Variants in MBNL2 observed in about 807,000 individuals in gnomAD.
MBNL2 encodes muscleblind like splicing regulator 2, also known as muscleblind-like protein 2.
A neutral mutation model predicts 41.9 loss-of-function variants in MBNL2; 17 were observed. The observed-to-expected ratio is 0.41, with a 90% CI of 0.28 to 0.61. The LOEUF is 0.61. Among genes scored for constraint, MBNL2 ranks in the 20% least tolerant of loss-of-function variants. The pLI is 0.35. For missense variants in MBNL2, 336 were observed against 505.6 expected, an observed-to-expected ratio of 0.66 and a Z score of 3.22; for synonymous variants, 195 against 182.9, an observed-to-expected ratio of 1.07 and a Z score of -0.53.
chr13:97,286,369 C>T (rs914577668), intron 2 of MBNL2, among the ~76,000 whole-genome samples: 1 of 152,132 alleles, frequency 6.6e-6, no homozygotes, highest in African/African-American at 2.4e-5. Context: ...CATTATAAGT[C>T]CTGTTCTCTC....
chr13:97,153,153 A>G, the MBNL2 span, among the ~76,000 whole-genome samples: 1 of 152,212 alleles, frequency 6.6e-6, no homozygotes, highest in Non-Finnish European at 1.5e-5. Context: ...AATGTAGTAT[A>G]AGAAAAGAAA....
intron 2 of MBNL2, among the ~76,000 whole-genome samples, chr13:97,284,294 G>C (rs1399649741): frequency 6.6e-6 from 1 of 152,130 alleles, no homozygotes; most frequent in Non-Finnish European, 1.5e-5. Context: ...TGGGGAAGTT[G>C]GGGGAGAGGG....
Position 97,266,534 on chromosome 13 carries a change from T to A in MBNL2, c.-604-9098T>A, listed in dbSNP as rs116909661. Among the ~76,000 whole-genome samples the A allele has an allele frequency of 2.6e-4, 39 of 152,302 alleles. No homozygotes were observed. In the East Asian group the frequency reaches 6.4e-3, roughly 25 times the overall value. ...GAGATCAAGTGGCTCTCAGCCCCAG[T>A]CCTTCAGCTGGCAGCTCCTCCAGGG... On this transcript the variant is annotated intron_variant, in intron 1 of 8. Coordinates refer to ENST00000679496, the MANE Select transcript of MBNL2 (RefSeq NM_001382683.1).
the MBNL2 span, among the ~76,000 whole-genome samples, chr13:97,167,277 G>T: frequency 6.6e-6 from 1 of 152,006 alleles, no homozygotes; most frequent in African/African-American, 2.4e-5. Flanking sequence ...AGCTTAAAGA[G>T]GTAGATGAAT....
At chr13:97,377,051 G>A (rs867457951) in intron 8 of MBNL2, among the ~76,000 whole-genome samples, 3 of 152,184 alleles carry the variant, frequency 2.0e-5, no homozygotes, top group South Asian at 4.2e-4. Flanking sequence ...TACAGACAGC[G>A]ACAACATAAC....
intron 2 of MBNL2, among the ~76,000 whole-genome samples, chr13:97,296,584 A>G (rs2057048248): frequency 6.6e-6 from 1 of 152,188 alleles, no homozygotes; most frequent in South Asian, 2.1e-4. Context: ...ATGGCCCTTC[A>G]GTGAATCATC....
At chr13:97,285,572 G>A (rs146045873) in intron 2 of MBNL2, among the ~76,000 whole-genome samples, 35 of 152,258 alleles carry the variant, frequency 2.3e-4, no homozygotes, top group African/African-American at 4.8e-4. Context: ...GAATCTTGGC[G>A]ATCAATTAAA....
chr13:97,341,057 TG>T (rs1203044632), intron 3 of MBNL2, among the ~76,000 whole-genome samples: 1 of 152,142 alleles, frequency 6.6e-6, no homozygotes, highest in Non-Finnish European at 1.5e-5. Context: ...AATGGCAGTA[TG>T]GGGGAGGGCT....
In MBNL2 at chr13:97,334,447, A is replaced by G. The variant is rs756572657; in HGVS notation, c.339+7A>G. On this transcript the variant is annotated splice_region_variant and intron_variant, in intron 3 of 8. Coordinates refer to ENST00000679496, the MANE Select transcript of MBNL2 (RefSeq NM_001382683.1). The surrounding 1 kb of genome is among the most constrained non-coding windows in gnomAD (Gnocchi z 5.3). ...AACACCACTTCATCCAGTGGTGAGT[A>G]CATCTTTATTCAGTGATGAGTTGGA... 1.9e-6 allele frequency: 3 copies of G among 1,602,370 alleles called. No individual in the cohort carries two copies. The highest frequency in any genetic ancestry group is 3.4e-5 in the Admixed American group (2 of 59,334).
At position 97,313,969 on chromosome 13, in the gene MBNL2, A is replaced by T. The variant is rs559771267; in HGVS notation, c.175-20307A>T. Among the ~76,000 whole-genome samples the T allele has an allele frequency of 3.3e-5, 5 of 152,352 alleles. No individual in the cohort carries two copies. The Middle Eastern group carries it at 0.017, about 518-fold the overall frequency. ...TTAAAGTTGCTAATACATTTAAAAA[A>T]TATGTGAAGAACATGGAAACCTCTC... On this transcript the variant is annotated intron_variant, in intron 2 of 8. Coordinates refer to ENST00000679496, the MANE Select transcript of MBNL2 (RefSeq NM_001382683.1).
chr13:97,194,508 G>A, the MBNL2 span, among the ~76,000 whole-genome samples: 1 of 152,156 alleles, frequency 6.6e-6, no homozygotes, highest in East Asian at 1.9e-4. Flanking sequence ...ACTGTCAGAG[G>A]CATTCCGACC....
chr13:97,179,507 T>C, the MBNL2 span: 14,551 of 152,318 alleles, frequency 0.096, 767 homozygotes, highest in South Asian at 0.17. Flanking sequence ...TTGCACTTCC[T>C]TAACCTAGGT....
chr13:97,162,645 A>G, the MBNL2 span, among the ~76,000 whole-genome samples: 1 of 152,184 alleles, frequency 6.6e-6, no homozygotes, highest in African/African-American at 2.4e-5. Flanking sequence ...TGTTCTCAAG[A>G]GGAAGTCAGC....
chr13:97,311,316 G>T (rs1340400203), intron 2 of MBNL2, among the ~76,000 whole-genome samples: 1 of 152,074 alleles, frequency 6.6e-6, no homozygotes, highest in Admixed American at 6.5e-5. Context: ...AGAACAATCA[G>T]GAGATAAAAT....
chr13:97,144,446 T>TTTTTTTA, the MBNL2 span, among the ~76,000 whole-genome samples: 3 of 111,724 alleles, frequency 2.7e-5, no homozygotes, highest in Admixed American at 9.5e-5. Context: ...TTTTTTTTTT[T>TTTTTTTA]GAGACAGAGT....
At chr13:97,239,344 C>T (rs1210618942) in intron 1 of MBNL2, among the ~76,000 whole-genome samples, 1 of 152,122 alleles carries the variant, frequency 6.6e-6, no homozygotes, top group Non-Finnish European at 1.5e-5. Flanking sequence ...AAACTTGAGC[C>T]AATGTCTGAT....
the MBNL2 span, among the ~76,000 whole-genome samples, chr13:97,160,322 A>C: frequency 6.6e-6 from 1 of 152,168 alleles, no homozygotes; most frequent in Non-Finnish European, 1.5e-5. Flanking sequence ...AAAAGGCAAG[A>C]AGAAGCCCCT....
chr13:97,299,952 C>T (rs944086517), intron 2 of MBNL2, among the ~76,000 whole-genome samples: 3 of 152,132 alleles, frequency 2.0e-5, no homozygotes, highest in African/African-American at 7.2e-5. Flanking sequence ...TGTCTCATCA[C>T]AGGATGTTGG....
At chr13:97,323,721 T>C (rs965977518) in intron 2 of MBNL2, among the ~76,000 whole-genome samples, 1 of 152,162 alleles carries the variant, frequency 6.6e-6, no homozygotes, top group Admixed American at 6.5e-5. Context: ...TAAACCCCCA[T>C]AGAGTGGTTG....
Sources: allele counts gnomAD v4.1 joint callset (sites outside exome capture counted in the v4.1 genomes callset), GRCh38; gene constraint gnomAD v4.1.1; non-coding constraint Gnocchi (gnomAD v3.1); transcripts MANE v1.5; gene names NCBI Gene and HGNC (gene_info 2026-07-23, HGNC 2026-07-21).